SMAD1: variants seen among roughly 807,000 people sequenced by gnomAD.
SMAD1 encodes the protein SMAD family member 1.
SMAD1 carries 6 observed loss-of-function variants against 41.6 expected under a neutral mutation model. The ratio of observed to expected loss-of-function variants is 0.14; its 90% CI spans 0.08 to 0.28. The LOEUF is 0.28. Among genes scored for constraint, SMAD1 ranks in the 10% least tolerant of loss-of-function variants. The probability of loss-of-function intolerance (pLI) is 1.00; values close to 1 mark genes in which losing one functional copy is unlikely to be tolerated. For missense variants in SMAD1, 379 were observed against 582.6 expected (o/e 0.65, Z 3.60); for synonymous variants, 206 against 203.2 (o/e 1.01, Z -0.12).
intron 2 of SMAD1, among the ~76,000 whole-genome samples, chr4:145,536,076 A>C (rs1488227649): frequency 6.6e-6 from 1 of 152,084 alleles, no homozygotes; most frequent in Non-Finnish European, 1.5e-5. Flanking sequence ...TGTATCGTAG[A>C]ATTAAGCACA....
At chr4:145,515,794 G>C (rs769787948) in intron 2 of SMAD1, among the ~76,000 whole-genome samples, 2 of 152,136 alleles carry the variant, frequency 1.3e-5, no homozygotes, top group Non-Finnish European at 2.9e-5. Context: ...TTTGTTGATG[G>C]ATTGGCTGTT....
chr4:145,557,986 A>G lies in SMAD1; in HGVS notation c.*52A>G, dbSNP rs777689122. 14 of 1,427,068 alleles carry G rather than the reference A, an allele frequency of 9.8e-6. No individual in the cohort carries two copies. Among genetic ancestry groups the G allele is most frequent in the Admixed American group, 3.7e-5 (2 of 53,838 alleles). 88.4% of individuals were successfully genotyped at this position (1,427,068 alleles called of 1,614,324 possible). Reference sequence around the variant, plus strand: ...AACTATTGAGCCTTGCATGTACTTGAAGGATGGATGAGTCAGACACGATTG... The same window carrying G: ...AACTATTGAGCCTTGCATGTACTTGGAGGATGGATGAGTCAGACACGATTG... On this transcript the variant is annotated 3_prime_UTR_variant, in exon 7 of 7. Transcript: ENST00000302085.
At chr4:145,548,051 G>A (rs1281729723) in intron 5 of SMAD1, among the ~76,000 whole-genome samples, 1 of 152,146 alleles carries the variant, frequency 6.6e-6, no homozygotes, top group East Asian at 1.9e-4. Flanking sequence ...AGGCATAGGA[G>A]GACCCTGGAG....
intron 2 of SMAD1, among the ~76,000 whole-genome samples, chr4:145,536,979 C>G (rs762809779): frequency 1.1e-4 from 16 of 151,596 alleles, no homozygotes; most frequent in Non-Finnish European, 2.2e-4. Context: ...TTAGAGGGAC[C>G]CAAATTGATA....
intron 2 of SMAD1, among the ~76,000 whole-genome samples, chr4:145,537,503 A>C (rs1731678470): frequency 1.3e-5 from 2 of 152,260 alleles, no homozygotes; most frequent in African/African-American, 4.8e-5. Flanking sequence ...AAATAAGTTA[A>C]ATTTTTTAAA....
intron 3 of SMAD1, among the ~76,000 whole-genome samples, chr4:145,542,295 T>C (rs1165863781): frequency 1.3e-5 from 2 of 152,256 alleles, no homozygotes; most frequent in Admixed American, 1.3e-4. Context: ...ACTCTTCTGA[T>C]TGCTTTTAAA....
In SMAD1 at chr4:145,514,536, A is replaced by G. The variant is rs973910155; in HGVS notation, c.-78A>G. ...AAAGAGACTTCTCTGTAAATAAACAAATCTCTTCTGCTGTCCTTTTGCATT... is the reference window on the plus strand; with the variant it reads ...AAAGAGACTTCTCTGTAAATAAACAGATCTCTTCTGCTGTCCTTTTGCATT... On this transcript the variant is annotated 5_prime_UTR_variant, in exon 2 of 7. Coordinates refer to ENST00000302085, the MANE Select transcript of SMAD1 (RefSeq NM_005900.3). The surrounding 1 kb of genome is among the most constrained non-coding windows in gnomAD (Gnocchi z 4.7). 6.7e-6 allele frequency: 9 copies of G among 1,338,304 alleles called. No individual in the cohort carries two copies. The African/African-American group carries it at 1.3e-4, about 20-fold the overall frequency. The allele number at this position is 1,338,304 out of a possible 1,614,324, so 82.9% of individuals were successfully genotyped here.
chr4:145,491,454 A>G (rs563904880), intron 1 of SMAD1, among the ~76,000 whole-genome samples: 1 of 152,254 alleles, frequency 6.6e-6, no homozygotes, highest in African/African-American at 2.4e-5. Flanking sequence ...AGAAGTACAA[A>G]CTACTAATGA....
At chr4:145,535,430 G>C (rs1404107063) in intron 2 of SMAD1, among the ~76,000 whole-genome samples, 1 of 152,134 alleles carries the variant, frequency 6.6e-6, no homozygotes, top group Admixed American at 6.6e-5. Flanking sequence ...TGAAATACCT[G>C]AATGGCCAGA....
chr4:145,532,243 C>G (rs1013301387), intron 2 of SMAD1, among the ~76,000 whole-genome samples: 3 of 152,150 alleles, frequency 2.0e-5, no homozygotes, highest in African/African-American at 7.2e-5. Flanking sequence ...TTATTTTTAA[C>G]AGAGATGCAC....
At chr4:145,549,652 G>A (rs910589625) in intron 5 of SMAD1, among the ~76,000 whole-genome samples, 25 of 152,292 alleles carry the variant, frequency 1.6e-4, no homozygotes, top group African/African-American at 6.0e-4. Context: ...GTATGAAACA[G>A]TGACCTACTA....
chr4:145,487,827 C>T (rs533429950), intron 1 of SMAD1, among the ~76,000 whole-genome samples: 45 of 152,230 alleles, frequency 3.0e-4, no homozygotes, highest in African/African-American at 1.1e-3. Context: ...CAGAAATGAG[C>T]GGCTTCTCTA....
intron 5 of SMAD1, 21 bp downstream of exon 5, chr4:145,546,945 C>T: frequency 6.4e-7 from 1 of 1,564,814 alleles, no homozygotes; most frequent in Non-Finnish European, 8.8e-7. Context: ...GCTTTAACCT[C>T]TTTCAGATGT....
intron 5 of SMAD1, among the ~76,000 whole-genome samples, chr4:145,547,272 T>G (rs990513054): frequency 1.3e-5 from 2 of 150,318 alleles, no homozygotes; most frequent in African/African-American, 5.0e-5. Flanking sequence ...TAATTGTATT[T>G]CAAATGAATA....
intron 2 of SMAD1, among the ~76,000 whole-genome samples, chr4:145,516,693 G>T (rs1730412528): frequency 6.6e-6 from 1 of 152,154 alleles, no homozygotes; most frequent in Admixed American, 6.5e-5. Context: ...CAGCACAGAG[G>T]TACATGTCCC....
intron 2 of SMAD1, among the ~76,000 whole-genome samples, chr4:145,524,942 CT>C (rs1730948232): frequency 1.3e-5 from 2 of 152,162 alleles, no homozygotes; most frequent in Admixed American, 1.3e-4. Context: ...CTGAATTGTG[CT>C]TTTTGGCTTA....
At position 145,507,369 on chromosome 4, in the gene SMAD1, C is replaced by T. The variant is rs530815986; in HGVS notation, c.-176-7069C>T. On this transcript the variant is annotated intron_variant, in intron 1 of 6. Transcript: ENST00000302085. ...AGTTGTTCATGGTACATATAACCAACCATTTTATGTTCTGCGTACAGTTTT... is the reference window on the plus strand; with the variant it reads ...AGTTGTTCATGGTACATATAACCAATCATTTTATGTTCTGCGTACAGTTTT... 4.6e-5 allele frequency among the ~76,000 whole-genome samples: 7 copies of T among 152,038 alleles called. No individual in the cohort carries two copies. The East Asian group carries it at 9.6e-4, about 21-fold the overall frequency.
intron 2 of SMAD1, among the ~76,000 whole-genome samples, chr4:145,526,767 G>A (rs1206802105): frequency 1.3e-5 from 2 of 152,114 alleles, no homozygotes; most frequent in African/African-American, 4.8e-5. Flanking sequence ...TGGACAATAA[G>A]GCCATTTAAA....
chr4:145,489,163 A>G lies in SMAD1; in HGVS notation c.-177+7125A>G, dbSNP rs372867958. 9.8e-5 allele frequency among the ~76,000 whole-genome samples: 15 copies of G among 152,362 alleles called. 1 individual carries two copies. The East Asian group carries it at 1.7e-3, about 18-fold the overall frequency. On this transcript the variant is annotated intron_variant, in intron 1 of 6. Coordinates refer to ENST00000302085, the MANE Select transcript of SMAD1 (RefSeq NM_005900.3). ...TATGTTTCAGTAGCCACATGTGGTTATCATATCAAATAGCACAGATCCAGA... is the reference window on the plus strand; with the variant it reads ...TATGTTTCAGTAGCCACATGTGGTTGTCATATCAAATAGCACAGATCCAGA...
Sources: gnomAD v4.1 joint callset for allele counts (sites outside exome capture counted in the v4.1 genomes callset) on GRCh38, gnomAD v4.1.1 for gene constraint, Gnocchi (gnomAD v3.1) non-coding constraint, MANE v1.5 for transcripts, NCBI Gene and HGNC (gene_info 2026-07-23, HGNC 2026-07-21) for gene names.